The following WWOX variants were observed in gnomAD, a reference collection of about 807,000 sequenced individuals.
WWOX encodes the protein WW domain containing oxidoreductase.
In WWOX, 69 loss-of-function variants were observed where a neutral mutation model predicts 46.2. The ratio of observed to expected loss-of-function variants is 1.49; its 90% CI spans 1.23 to 1.82. The LOEUF (loss-of-function observed/expected upper bound fraction) is 1.82. Ranked by LOEUF, WWOX falls within the 40% of genes most tolerant of loss-of-function variation. WWOX has a pLI of 0.00. For synonymous variants in WWOX, 359 were observed against 202.6 expected, an observed-to-expected ratio of 1.77 and a Z score of -6.56; for missense variants, 919 against 542.6, an observed-to-expected ratio of 1.69 and a Z score of -6.89.
chr16:78,388,852 C>A (rs942901912), intron 6 of WWOX, among the ~76,000 whole-genome samples: 3 of 151,598 alleles, frequency 2.0e-5, no homozygotes, highest in Non-Finnish European at 2.9e-5. Flanking sequence ...GCCTGTAATC[C>A]CAGCTACTTG....
chr16:78,888,048 C>A (rs1364824397), intron 8 of WWOX, among the ~76,000 whole-genome samples: 1 of 152,192 alleles, frequency 6.6e-6, no homozygotes, highest in African/African-American at 2.4e-5. Flanking sequence ...GTATGGCGAT[C>A]CTTCAAGCTG....
intron 8 of WWOX, among the ~76,000 whole-genome samples, chr16:78,503,971 A>G (rs1039541628): frequency 1.3e-5 from 2 of 152,338 alleles, no homozygotes; most frequent in South Asian, 2.1e-4. Flanking sequence ...GGAAGCTGCA[A>G]GTTATGTTTT....
chr16:78,611,852 C>G (rs1442140025), intron 8 of WWOX, among the ~76,000 whole-genome samples: 1 of 152,216 alleles, frequency 6.6e-6, no homozygotes, highest in Non-Finnish European at 1.5e-5. Flanking sequence ...CTTAAAGTTT[C>G]TACTTTGGAA....
At chr16:79,040,069 A>G (rs941934878) in intron 8 of WWOX, among the ~76,000 whole-genome samples, 1 of 152,160 alleles carries the variant, frequency 6.6e-6, no homozygotes, top group East Asian at 1.9e-4. Context: ...GTTTCCATCT[A>G]TAAACTGGGT....
chr16:78,287,547 G>A lies in WWOX; in HGVS notation c.517-99313G>A, dbSNP rs146418358. Reference sequence around the variant, plus strand: ...TGCTATCATCTCTGAGATGTCACACGATTATTGCTTTTTTTTTCCTTTTAA... The same window carrying A: ...TGCTATCATCTCTGAGATGTCACACAATTATTGCTTTTTTTTTCCTTTTAA... On this transcript the variant is annotated intron_variant, in intron 5 of 8. Coordinates refer to ENST00000566780, the MANE Select transcript of WWOX (RefSeq NM_016373.4). 2.2e-4 allele frequency among the ~76,000 whole-genome samples: 34 copies of A among 152,224 alleles called. No homozygotes were observed. The East Asian group carries it at 4.2e-3, about 19-fold the overall frequency.
chr16:79,189,937 G>GC, intron 8 of WWOX, among the ~76,000 whole-genome samples: 1 of 149,568 alleles, frequency 6.7e-6, no homozygotes, highest in East Asian at 2.0e-4. Context: ...GTGGGGAAGG[G>GC]GGGGGGGATA....
intron 8 of WWOX, among the ~76,000 whole-genome samples, chr16:78,542,580 T>C (rs961920828): frequency 1.3e-4 from 20 of 152,178 alleles, no homozygotes; most frequent in African/African-American, 4.1e-4. Flanking sequence ...TTCGCTGGAA[T>C]TGAACTTAAG....
chr16:78,496,792 G>C (rs1288847113), intron 8 of WWOX, among the ~76,000 whole-genome samples: 1 of 152,200 alleles, frequency 6.6e-6, no homozygotes. Context: ...GAAGTGCATT[G>C]AGGAAGAGGC....
chr16:79,184,221 A>T (rs1045922115), intron 8 of WWOX, among the ~76,000 whole-genome samples: 1 of 152,238 alleles, frequency 6.6e-6, no homozygotes, highest in African/African-American at 2.4e-5. Flanking sequence ...CAGTTAGTGT[A>T]ACAGTCTATA....
chr16:78,303,516 GTTTTTGT>G (rs933717006), intron 5 of WWOX, among the ~76,000 whole-genome samples: 4 of 151,936 alleles, frequency 2.6e-5, no homozygotes, highest in African/African-American at 7.3e-5. Flanking sequence ...GTGCTCTTTC[GTTTTTGT>G]TTTTTGTTTT....
chr16:78,511,324 A>G (rs1387237697), intron 8 of WWOX, among the ~76,000 whole-genome samples: 1 of 152,192 alleles, frequency 6.6e-6, no homozygotes, highest in African/African-American at 2.4e-5. Flanking sequence ...TTCGGTCCAG[A>G]CACTATGACC....
intron 8 of WWOX, among the ~76,000 whole-genome samples, chr16:78,756,303 C>G (rs1433652687): frequency 6.6e-6 from 1 of 151,680 alleles, no homozygotes; most frequent in Non-Finnish European, 1.5e-5. Context: ...CTGGGTTTAT[C>G]TAATGTGTAT....
intron 8 of WWOX, among the ~76,000 whole-genome samples, chr16:78,779,025 T>C (rs1466022825): frequency 6.6e-6 from 1 of 152,324 alleles, no homozygotes; most frequent in East Asian, 1.9e-4. Context: ...ATAAAACCAA[T>C]GAGCTTAATC....
chr16:78,466,908 G>A (rs1246105949), intron 8 of WWOX, among the ~76,000 whole-genome samples: 1 of 151,580 alleles, frequency 6.6e-6, no homozygotes, highest in African/African-American at 2.4e-5. Context: ...CAACGTTGTA[G>A]CATGGGCAGG....
intron 6 of WWOX, among the ~76,000 whole-genome samples, chr16:78,400,384 C>T (rs1463675866): frequency 2.6e-5 from 4 of 152,158 alleles, no homozygotes; most frequent in Non-Finnish European, 5.9e-5. Context: ...GAGAGACTGA[C>T]AGGGCGGTTC....
intron 8 of WWOX, among the ~76,000 whole-genome samples, chr16:78,740,897 C>G (rs1282248052): frequency 1.3e-5 from 2 of 152,118 alleles, no homozygotes; most frequent in African/African-American, 2.4e-5. Context: ...CCAGCCCCCA[C>G]CAGAAACCCT....
chr16:78,966,601 A>T (rs946825373), intron 8 of WWOX, among the ~76,000 whole-genome samples: 1 of 152,172 alleles, frequency 6.6e-6, no homozygotes, highest in African/African-American at 2.4e-5. Context: ...GTAACATGTG[A>T]ATGTTTTGAA....
intron 8 of WWOX, among the ~76,000 whole-genome samples, chr16:79,108,471 G>A (rs142203476): frequency 6.6e-6 from 1 of 152,242 alleles, no homozygotes; most frequent in Non-Finnish European, 1.5e-5. Context: ...GCAAGGTGCA[G>A]GTATGTTTGC....
chr16:78,496,832 T>G (rs542815604), intron 8 of WWOX, among the ~76,000 whole-genome samples: 8 of 152,220 alleles, frequency 5.3e-5, no homozygotes, highest in Non-Finnish European at 1.2e-4. Flanking sequence ...ACTCCAACTT[T>G]CCGGAAACCC....
Sources: gnomAD v4.1 joint callset for allele counts (sites outside exome capture counted in the v4.1 genomes callset) on GRCh38, gnomAD v4.1.1 for gene constraint, MANE v1.5 for transcripts, NCBI Gene and HGNC (gene_info 2026-07-23, HGNC 2026-07-21) for gene names.